The following COL4A5 variants were observed in gnomAD, a reference collection of about 807,000 sequenced individuals.
COL4A5 encodes collagen type IV alpha 5 chain.
Under a neutral mutation model 130.2 loss-of-function variants are expected in COL4A5, and 26 were observed. That is an observed-to-expected ratio of 0.20 (90% CI 0.15 to 0.28). COL4A5 has a LOEUF of 0.28. Ranked by LOEUF, COL4A5 falls within the 10% of genes least tolerant of loss-of-function variation. COL4A5 has a pLI of 1.00. For missense variants in COL4A5, 1,131 were observed against 1,344.3 expected, an observed-to-expected ratio of 0.84 and a Z score of 2.48; for synonymous variants, 496 against 439.6, an observed-to-expected ratio of 1.13 and a Z score of -1.60.
At chrX:108,687,077 G>T (rs753183945) in intron 48 of COL4A5, among the ~76,000 whole-genome samples, 1 of 112,448 alleles carries the variant, frequency 8.9e-6, no homozygotes, top group Admixed American at 9.4e-5. Context: ...TGGGCATTTT[G>T]AAAATACTTC....
At chrX:108,592,193 C>T (rs2066448445) in intron 21 of COL4A5, among the ~76,000 whole-genome samples, 1 of 111,776 alleles carries the variant, frequency 8.9e-6, no homozygotes, top group South Asian at 3.7e-4. Flanking sequence ...TTGCTACCAC[C>T]ATATTTACTT....
intron 2 of COL4A5, among the ~76,000 whole-genome samples, chrX:108,547,296 G>T (rs999829956): frequency 4.5e-5 from 5 of 111,862 alleles, no homozygotes; most frequent in African/African-American, 1.6e-4. Context: ...CGGTGTGGAT[G>T]TCCTTTCTGT....
intron 36 of COL4A5, among the ~76,000 whole-genome samples, chrX:108,638,389 A>C (rs2067394520): frequency 9.0e-6 from 1 of 111,443 alleles, no homozygotes; most frequent in Admixed American, 9.6e-5. Flanking sequence ...CATGATTAAA[A>C]AAACACACCA....
intron 4 of COL4A5, among the ~76,000 whole-genome samples, chrX:108,566,115 T>C (rs1045354290): frequency 9.1e-6 from 1 of 110,093 alleles, no homozygotes; most frequent in African/African-American, 3.3e-5. Context: ...ATTATTTTGC[T>C]CAGACTTGCA....
intron 1 of COL4A5, among the ~76,000 whole-genome samples, chrX:108,511,167 A>AC (rs2065176908): frequency 2.7e-5 from 3 of 111,866 alleles, no homozygotes; most frequent in Admixed American, 1.9e-4. Context: ...TTTTAATATG[A>AC]GAAATTTTAA....
chrX:108,537,757 A>T (rs988273930), intron 1 of COL4A5, among the ~76,000 whole-genome samples: 1 of 111,919 alleles, frequency 8.9e-6, no homozygotes, highest in Non-Finnish European at 1.9e-5. Flanking sequence ...GTCAAATGTT[A>T]ATTATTCTTA....
At chrX:108,681,921 T>C (rs747673894) in intron 47 of COL4A5, 33 bp downstream of exon 47, 2 of 1,165,414 alleles carry the variant, frequency 1.7e-6, no homozygotes, top group South Asian at 3.6e-5. Context: ...TTATCATTAT[T>C]ATACTTTTAA....
At chrX:108,504,367 AAAAC>A (rs1206259449) in intron 1 of COL4A5, among the ~76,000 whole-genome samples, 5 of 112,196 alleles carry the variant, frequency 4.5e-5, no homozygotes, top group Non-Finnish European at 9.4e-5. Flanking sequence ...AAATGTAACA[AAAAC>A]AAAAATAAAT....
chrX:108,490,457 CT>C (rs1172760703), intron 1 of COL4A5, among the ~76,000 whole-genome samples: 3 of 111,677 alleles, frequency 2.7e-5, no homozygotes, highest in Non-Finnish European at 5.7e-5. Context: ...CCCCTGACCC[CT>C]ATCATCCTAA....
chrX:108,453,470 A>T (rs931957272), intron 1 of COL4A5, among the ~76,000 whole-genome samples: 5 of 111,866 alleles, frequency 4.5e-5, no homozygotes, highest in African/African-American at 1.6e-4. Flanking sequence ...AGTAATTTTC[A>T]TAAAAATTCA....
intron 1 of COL4A5, among the ~76,000 whole-genome samples, chrX:108,469,169 C>CTTTTT (rs529015725): frequency 1.5e-4 from 12 of 77,675 alleles, no homozygotes; most frequent in Non-Finnish European, 2.4e-4. Flanking sequence ...CTCTCTCTCT[C>CTTTTT]TTTTTTTTTT....
chrX:108,486,043 G>A (rs1445520199), intron 1 of COL4A5, among the ~76,000 whole-genome samples: 2 of 111,903 alleles, frequency 1.8e-5, no homozygotes, highest in Non-Finnish European at 3.8e-5. Context: ...CACTGTAGGC[G>A]GGTGTCAGCT....
intron 6 of COL4A5, chrX:108,569,092 C>T (rs1010657617): frequency 9.5e-5 from 27 of 285,542 alleles, no homozygotes; most frequent in African/African-American, 4.3e-4. Context: ...AGAATTAAAA[C>T]GAAATTAGGA....
At position 108,556,386 on chromosome X, in the gene COL4A5, C is replaced by T. The variant is rs192035552; in HGVS notation, c.142-2678C>T. ...AAGTGAAGATGTTTCAGACAGTTGC[C>T]TATGAGAGCCTAGTTTTTTAGTAAA... On this transcript the variant is annotated intron_variant, in intron 2 of 52. Transcript: ENST00000328300. 1.0e-3 allele frequency among the ~76,000 whole-genome samples: 113 copies of T among 110,710 alleles called. 4 individuals carry two copies. In the East Asian group the frequency reaches 0.031, roughly 30 times the overall value.
At chrX:108,476,774 T>C (rs939883993) in intron 1 of COL4A5, among the ~76,000 whole-genome samples, 3 of 111,575 alleles carry the variant, frequency 2.7e-5, no homozygotes, top group Admixed American at 9.6e-5. Context: ...ATTCCTTTTA[T>C]GGCTGAATAG....
rs140980033 is a variant in COL4A5, at chrX:108,506,571, T to C, written c.82-33175T>C. On this transcript the variant is annotated intron_variant, in intron 1 of 52. Coordinates refer to ENST00000328300, the MANE Select transcript of COL4A5 (RefSeq NM_033380.3). ...GAGTGCAACTTAGATTCCTCCCATG[T>C]GCAGTTCACAATAGGGTTCACATTG... 5.4e-5 allele frequency among the ~76,000 whole-genome samples: 6 copies of C among 111,379 alleles called. No individual in the cohort carries two copies. The East Asian group carries it at 1.7e-3, about 32-fold the overall frequency.
At chrX:108,449,401 T>C (rs760890838) in intron 1 of COL4A5, among the ~76,000 whole-genome samples, 5 of 112,130 alleles carry the variant, frequency 4.5e-5, no homozygotes, top group Non-Finnish European at 9.4e-5. Context: ...GTTCTACAAA[T>C]GAAAGTTGTT....
At chrX:108,664,362 G>A (rs1020333986) in intron 37 of COL4A5, among the ~76,000 whole-genome samples, 1 of 111,418 alleles carries the variant, frequency 9.0e-6, no homozygotes. Context: ...CTAGATATTC[G>A]TATGGGGAAA....
At chrX:108,555,645 T>C (rs1423431731) in intron 2 of COL4A5, among the ~76,000 whole-genome samples, 1 of 111,789 alleles carries the variant, frequency 8.9e-6, no homozygotes, top group African/African-American at 3.2e-5. Flanking sequence ...TTTTCCTGTT[T>C]AATTTTTCTT....
Sources: gnomAD v4.1 joint callset for allele counts (sites outside exome capture counted in the v4.1 genomes callset) on GRCh38, gnomAD v4.1.1 for gene constraint, MANE v1.5 for transcripts, NCBI Gene and HGNC (gene_info 2026-07-23, HGNC 2026-07-21) for gene names.